JMJD1C: variants seen among roughly 807,000 people sequenced by gnomAD.
JMJD1C encodes jumonji domain containing 1C.
In JMJD1C, 31 loss-of-function variants were observed where a neutral mutation model predicts 245.3. The observed-to-expected ratio is 0.13, with a 90% CI of 0.09 to 0.17. The LOEUF is 0.17. Ranked by LOEUF, JMJD1C falls within the 10% of genes least tolerant of loss-of-function variation. The pLI, the probability that JMJD1C is intolerant of heterozygous loss-of-function variation, is 1.00. For missense variants in JMJD1C, 2,691 were observed against 3,000.2 expected (o/e 0.90, Z 2.41); for synonymous variants, 1,057 against 1,017.4 (o/e 1.04, Z -0.74).
rs781187548 is a variant in JMJD1C, at chr10:63,207,656, T to C, written c.4013A>G (p.His1338Arg). 6.2e-7 allele frequency: 1 copy of C among 1,614,162 alleles called. No homozygotes were observed. The highest frequency in any genetic ancestry group is 8.5e-7 in the Non-Finnish European group (1 of 1,180,012). The change falls in exon 10 of 26, where the codon CAT becomes CGT. Residue 1338 changes from histidine to arginine, a missense_variant. By Grantham distance (29) the His-to-Arg change is conservative. This residue lies in a region of JMJD1C where 1,562 missense variants were observed against 1,490.7 expected (regional missense o/e 1.05). Coordinates refer to ENST00000399262, the MANE Select transcript of JMJD1C (RefSeq NM_032776.3). Reference sequence around the variant, plus strand: ...TGCTAGTTTGAGGCAATCTGTTTTATGTGCCCCAGCTGAAGATCTTTCACT... The same window carrying C: ...TGCTAGTTTGAGGCAATCTGTTTTACGTGCCCCAGCTGAAGATCTTTCACT... ...RVSERSSAGA[H>R]KTDCLKLAEA...
Position 63,207,382 on chromosome 10 carries a change from T to C in JMJD1C, c.4287A>G (p.Ser1429=), listed in dbSNP as rs1330145835. 6.2e-7 allele frequency: 1 copy of C among 1,613,972 alleles called. No homozygotes were observed. Among genetic ancestry groups the C allele is most frequent in the African/African-American group, 1.3e-5 (1 of 74,924 alleles). ...CACTTTTTGAAGATACACATTCTGATGATGTAGAGGCCAAAATGGTATTTG... is the reference window on the plus strand; with the variant it reads ...CACTTTTTGAAGATACACATTCTGACGATGTAGAGGCCAAAATGGTATTTG... ...SLSNTILAST[S]SECVSSKSVS... The change falls in exon 10 of 26, where the codon TCA becomes TCG. Residue 1429 remains serine, a synonymous_variant. Coordinates refer to ENST00000399262, the MANE Select transcript of JMJD1C (RefSeq NM_032776.3).
chr10:63,239,567 C>A (rs1017911072), intron 3 of JMJD1C, among the ~76,000 whole-genome samples: 1 of 152,160 alleles, frequency 6.6e-6, no homozygotes, highest in African/African-American at 2.4e-5. Flanking sequence ...GCCTCAGCCT[C>A]CTGAGTAGCT....
At chr10:63,501,293 A>C (rs1034622657) in intron 1 of JMJD1C, among the ~76,000 whole-genome samples, 1 of 152,240 alleles carries the variant, frequency 6.6e-6, no homozygotes, top group African/African-American at 2.4e-5. Context: ...TACAGTAGCT[A>C]CAAAGGTGTT....
At chr10:63,314,025 T>C (rs754303982) in intron 2 of JMJD1C, among the ~76,000 whole-genome samples, 5 of 152,246 alleles carry the variant, frequency 3.3e-5, no homozygotes, top group Non-Finnish European at 7.3e-5. Flanking sequence ...GTTTTTCCAA[T>C]GTTATCCTCT....
At chr10:63,459,645 A>G (rs1365438944) in intron 1 of JMJD1C, among the ~76,000 whole-genome samples, 1 of 152,246 alleles carries the variant, frequency 6.6e-6, no homozygotes, top group Non-Finnish European at 1.5e-5. Context: ...TCAGAGTTAT[A>G]CAAAAATCAG....
At chr10:63,244,753 A>G (rs1851947304) in intron 3 of JMJD1C, among the ~76,000 whole-genome samples, 1 of 146,426 alleles carries the variant, frequency 6.8e-6, no homozygotes, top group South Asian at 2.2e-4. Flanking sequence ...AGTGAGCTAC[A>G]ATCACGCCAC....
chr10:63,491,896 G>A (rs1954190034), intron 1 of JMJD1C, among the ~76,000 whole-genome samples: 1 of 152,188 alleles, frequency 6.6e-6, no homozygotes, highest in Admixed American at 6.5e-5. Context: ...GCCAACTTCA[G>A]AAACAGCTAT....
intron 2 of JMJD1C, among the ~76,000 whole-genome samples, chr10:63,295,773 T>C (rs7907462): frequency 0.67 from 101,150 of 151,422 alleles, 36,252 homozygotes; most frequent in Non-Finnish European, 0.81. Context: ...TGAGCTACTG[T>C]TCTTAAGGAA....
intron 1 of JMJD1C, among the ~76,000 whole-genome samples, chr10:63,452,611 TTAAA>T (rs1952139521): frequency 6.6e-6 from 1 of 152,160 alleles, no homozygotes; most frequent in Non-Finnish European, 1.5e-5. Flanking sequence ...AAGCAGGGAC[TTAAA>T]TAGATATGCT....
chr10:63,413,464 GAC>G (rs2132679739), intron 1 of JMJD1C, among the ~76,000 whole-genome samples: 2 of 152,212 alleles, frequency 1.3e-5, no homozygotes, highest in East Asian at 3.9e-4. Flanking sequence ...ACAAAATAGA[GAC>G]ATAATCTCAT....
At chr10:63,383,968 ATTG>A (rs1396833993) in intron 1 of JMJD1C, among the ~76,000 whole-genome samples, 1 of 152,114 alleles carries the variant, frequency 6.6e-6, no homozygotes, top group African/African-American at 2.4e-5. Context: ...GGCATGCAAT[ATTG>A]TTGGCCACTT....
intron 1 of JMJD1C, among the ~76,000 whole-genome samples, chr10:63,430,840 C>T (rs1330718511): frequency 6.6e-6 from 1 of 152,138 alleles, no homozygotes; most frequent in Non-Finnish European, 1.5e-5. Flanking sequence ...AATTCCTGGG[C>T]TCATGAGATC....
intron 2 of JMJD1C, among the ~76,000 whole-genome samples, chr10:63,298,764 C>T: frequency 6.6e-6 from 1 of 152,014 alleles, no homozygotes; most frequent in East Asian, 1.9e-4. Flanking sequence ...CGGAGTTTTG[C>T]TCTTGCCGCC....
chr10:63,432,847 G>A (rs1038596183), intron 1 of JMJD1C, among the ~76,000 whole-genome samples: 9 of 152,044 alleles, frequency 5.9e-5, no homozygotes, highest in Non-Finnish European at 1.2e-4. Context: ...GAAATTCACC[G>A]ACTGAATACC....
At chr10:63,230,442 CAA>C (rs1849823762) in intron 3 of JMJD1C, among the ~76,000 whole-genome samples, 1 of 152,114 alleles carries the variant, frequency 6.6e-6, no homozygotes, top group East Asian at 1.9e-4. Flanking sequence ...TTCACAGCAT[CAA>C]CATTTAATCA....
chr10:63,224,297 A>G (rs1407070198), intron 3 of JMJD1C, among the ~76,000 whole-genome samples: 1 of 152,170 alleles, frequency 6.6e-6, no homozygotes, highest in African/African-American at 2.4e-5. Flanking sequence ...AAATGTTTTA[A>G]TAAGATTTTT....
At chr10:63,441,918 A>G (rs1236866459) in intron 1 of JMJD1C, among the ~76,000 whole-genome samples, 6 of 152,224 alleles carry the variant, frequency 3.9e-5, no homozygotes, top group Admixed American at 3.9e-4. Flanking sequence ...GTGTTTTTGA[A>G]GCATGGGAGA....
At position 63,183,917 on chromosome 10, in the gene JMJD1C, A is replaced by G. The variant is rs561602471; in HGVS notation, c.6962-348T>C. On this transcript the variant is annotated intron_variant, in intron 21 of 25. Coordinates refer to ENST00000399262, the MANE Select transcript of JMJD1C (RefSeq NM_032776.3). The stretch of plus-strand genomic sequence containing the variant: ...TTTAGTAGAAACTAAAAATCATTAG[A>G]CAATTTGTAGGAACAGTAATTCTTT... Among the ~76,000 whole-genome samples the G allele has an allele frequency of 2.1e-3, 324 of 152,344 alleles. 2 individuals carry two copies. The highest frequency in any genetic ancestry group is 2.9e-3 in the Non-Finnish European group (196 of 68,030).
chr10:63,450,843 AAAG>A (rs1281191566), intron 1 of JMJD1C, among the ~76,000 whole-genome samples: 1 of 152,186 alleles, frequency 6.6e-6, no homozygotes, highest in Non-Finnish European at 1.5e-5. Flanking sequence ...TCAAATTGGA[AAAG>A]AAGAAGTAAA....
Sources: gnomAD v4.1 joint callset for allele counts (sites outside exome capture counted in the v4.1 genomes callset) on GRCh38, gnomAD v4.1.1 for gene constraint, gnomAD v4.1.1 regional missense constraint, MANE v1.5 for transcripts, NCBI Gene and HGNC (gene_info 2026-07-23, HGNC 2026-07-21) for gene names.